Variants in HCN4 observed in about 807,000 individuals in gnomAD.
HCN4 encodes potassium/sodium hyperpolarization-activated cyclic nucleotide-gated channel 4.
HCN4 carries 29 observed loss-of-function variants against 76.9 expected under a neutral mutation model. The observed-to-expected ratio is 0.38, with a 90% confidence interval of 0.28 to 0.51. The LOEUF (loss-of-function observed/expected upper bound fraction) is 0.51, where lower values mean the gene tolerates loss of function less well. Ranked by LOEUF, HCN4 falls within the 20% of genes least tolerant of loss-of-function variation. The probability of loss-of-function intolerance (pLI) is 0.90; values close to 1 mark genes in which losing one functional copy is unlikely to be tolerated. For synonymous variants in HCN4, 772 were observed against 762.5 expected, an observed-to-expected ratio of 1.01 and a Z score of -0.21; for missense variants, 1,416 against 1,715.2, an observed-to-expected ratio of 0.83 and a Z score of 3.08.
In HCN4 at chr15:73,343,634, C is replaced by T. The variant is rs1463560419; in HGVS notation, c.960G>A (p.Val320=). The T allele has an allele frequency of 1.2e-6, 2 of 1,614,162 alleles. No individual in the cohort carries two copies. Among genetic ancestry groups the T allele is most frequent in the Non-Finnish European group, 1.7e-6 (2 of 1,180,030 alleles). Residue 320 remains valine (V), a synonymous_variant, in exon 2 of 8, where the codon GTG becomes GTA. Coordinates refer to ENST00000261917, the MANE Select transcript of HCN4 (RefSeq NM_005477.3). This position sits in a 1 kb window ranked among gnomAD's most constrained non-coding sequence, Gnocchi z 5.7. ...CCAGGATGATCTCTGTGTTGTCCTC[C>T]ACCACGATCCCTGTGCGGAAGTTGA... ...LVLNFRTGIV[V]EDNTEIILDP...
intron 2 of HCN4, among the ~76,000 whole-genome samples, chr15:73,336,208 TCTC>T (rs1027256659): frequency 1.3e-5 from 2 of 152,012 alleles, no homozygotes; most frequent in African/African-American, 4.8e-5. Context: ...AGCATGCCGT[TCTC>T]CTCCCACCCC....
chr15:73,336,766 C>T (rs1297042858), intron 2 of HCN4, among the ~76,000 whole-genome samples: 1 of 152,138 alleles, frequency 6.6e-6, no homozygotes, highest in African/African-American at 2.4e-5. Context: ...ATGACAGCCC[C>T]AACCTCTTGA....
In HCN4 at chr15:73,323,156, G is replaced by T. The variant is rs371549467; in HGVS notation, c.2937C>A (p.Pro979=). The change falls in exon 8 of 8, where the codon CCC becomes CCA. Residue 979 remains proline, a synonymous_variant. Coordinates refer to ENST00000261917, the MANE Select transcript of HCN4 (RefSeq NM_005477.3). ...SSSPGQLGQP[P]GELSLGLATG... is the part of the protein sequence containing the mutation. ...TGGCCAGACCTAGGGACAACTCCCC[G>T]GGAGGCTGGCCCAGCTGCCCGGGGC... The T allele has an allele frequency of 3.2e-6, 5 of 1,574,944 alleles. No homozygotes were observed. Among genetic ancestry groups the T allele is most frequent in the Non-Finnish European group, 3.4e-6 (4 of 1,161,660 alleles).
intron 1 of HCN4, among the ~76,000 whole-genome samples, chr15:73,360,471 G>A (rs1387417516): frequency 6.6e-6 from 1 of 152,222 alleles, no homozygotes; most frequent in Non-Finnish European, 1.5e-5. Flanking sequence ...TGTGCCTGCT[G>A]ACTATCCCTT....
Position 73,368,075 on chromosome 15 carries a change from C to G in HCN4, c.196G>C (p.Glu66Gln), listed in dbSNP as rs786205803. ...PSPSAAAGGT[E>Q]SRSSALGAAD... The stretch of plus-strand genomic sequence containing the variant: ...GCCCCGAGGGCCGAGCTCCGGGACT[C>G]CGTGCCACCCGCGGCCGCCGAGGGG... Residue 66 changes from glutamate (E) to glutamine (Q), a missense_variant, in exon 1 of 8, where the codon GAG becomes CAG. Glu to Gln is a conservative substitution (Grantham distance 29). Around this residue, in one of 6 missense-constraint regions of HCN4, gnomAD observed 355 missense variants for 347.8 expected, o/e 1.02. Coordinates refer to ENST00000261917, the MANE Select transcript of HCN4 (RefSeq NM_005477.3). The surrounding 1 kb of genome is among the most constrained non-coding windows in gnomAD (Gnocchi z 6.9). 2 of 1,487,394 alleles carry G rather than the reference C, an allele frequency of 1.3e-6. No homozygotes were observed. The highest frequency in any genetic ancestry group is 2.8e-5 in the East Asian group (1 of 35,164). The allele number at this position is 1,487,394 out of a possible 1,614,324, so 92.1% of individuals were successfully genotyped here. A position where few individuals can be genotyped will look rare whatever the true frequency, so the allele number is the denominator to read the frequency against.
Position 73,343,247 on chromosome 15 carries a change from T to C in HCN4, c.1209+138A>G. The C allele has an allele frequency of 1.3e-6, 1 of 769,866 alleles. No individual in the cohort carries two copies. The highest frequency in any genetic ancestry group is 2.2e-5 in the Admixed American group (1 of 46,084). The allele number at this position is 769,866 out of a possible 1,614,324, so 47.7% of individuals were successfully genotyped here. A position where few individuals can be genotyped will look rare whatever the true frequency, so the allele number is the denominator to read the frequency against. On this transcript the variant is annotated intron_variant, in intron 2 of 7. Coordinates refer to ENST00000261917, the MANE Select transcript of HCN4 (RefSeq NM_005477.3). This position sits in a 1 kb window ranked among gnomAD's most constrained non-coding sequence, Gnocchi z 5.7. Reference sequence around the variant, plus strand: ...ACATGATAAGAGGTCAAGAACTTACTAGTATTTGTCCTCTTGGAGCAGGTG... The same window carrying C: ...ACATGATAAGAGGTCAAGAACTTACCAGTATTTGTCCTCTTGGAGCAGGTG...
chr15:73,328,358 A>G lies in HCN4; in HGVS notation c.1590+1215T>C, dbSNP rs2042912995. ...GCAAGGCCCAGGGCAGGAGCTGAGC[A>G]TGAGGGCAGATCCCTGGTTATGCTC... On this transcript the variant is annotated intron_variant, in intron 4 of 7. Transcript: ENST00000261917. This position sits in a 1 kb window ranked among gnomAD's most constrained non-coding sequence, Gnocchi z 4.0. 6.6e-6 allele frequency among the ~76,000 whole-genome samples: 1 copy of G among 152,040 alleles called. No homozygotes were observed. Among genetic ancestry groups the G allele is most frequent in the South Asian group, 2.1e-4 (1 of 4,824 alleles).
rs1281853703 is a variant in HCN4 at position 73,323,611 on chromosome 15, G to A, written c.2482C>T (p.Arg828Trp). Reference sequence around the variant, plus strand: ...GCAGAAGGGATCAGGGACTGCAGCCGTTTCAGGTGCCTTGGCGTCTGCCCG... The same window carrying A: ...GCAGAAGGGATCAGGGACTGCAGCCATTTCAGGTGCCTTGGCGTCTGCCCG... ...GAGQTPRHLK[R>W]LQSLIPSALG... is the part of the protein sequence containing the mutation. Residue 828 changes from arginine (R) to tryptophan (W), a missense_variant, in exon 8 of 8, where the codon CGG (arginine) becomes TGG (tryptophan). This residue lies in a region of HCN4 where 633 missense variants were observed against 579.8 expected (regional missense o/e 1.09). Coordinates refer to ENST00000261917, the MANE Select transcript of HCN4 (RefSeq NM_005477.3). 9 of 1,600,912 alleles carry A rather than the reference G, an allele frequency of 5.6e-6. No individual in the cohort carries two copies. The highest frequency in any genetic ancestry group is 1.7e-4 in the Middle Eastern group (1 of 6,050).
At chr15:73,359,166 G>A (rs945026047) in intron 1 of HCN4, among the ~76,000 whole-genome samples, 1 of 152,202 alleles carries the variant, frequency 6.6e-6, no homozygotes, top group Non-Finnish European at 1.5e-5. Flanking sequence ...GATCAGACCT[G>A]GAGGCCCCGC....
At chr15:73,346,315 A>G (rs2043029453) in intron 1 of HCN4, among the ~76,000 whole-genome samples, 1 of 152,230 alleles carries the variant, frequency 6.6e-6, no homozygotes, top group African/African-American at 2.4e-5. Context: ...CTCAATGAGG[A>G]TAACCACAGT....
chr15:73,368,195 T>G lies in HCN4; in HGVS notation c.76A>C (p.Met26Leu). 4 of 1,534,076 alleles carry G rather than the reference T, an allele frequency of 2.6e-6. No individual in the cohort carries two copies. The highest frequency in any genetic ancestry group is 3.5e-6 in the Non-Finnish European group (4 of 1,141,820). The part of the protein sequence containing the change: ...PQQVGAKAWI[M>L]DEEEDAEEEG... ...TCCTCGGCGTCCTCTTCCTCGTCCATGATCCACGCCTTGGCCCCCACCTGC... is the reference window on the plus strand; with the variant it reads ...TCCTCGGCGTCCTCTTCCTCGTCCAGGATCCACGCCTTGGCCCCCACCTGC... Residue 26 changes from methionine to leucine, a missense_variant, in exon 1 of 8, where the codon ATG becomes CTG. Coordinates refer to ENST00000261917, the MANE Select transcript of HCN4 (RefSeq NM_005477.3). This position sits in a 1 kb window ranked among gnomAD's most constrained non-coding sequence, Gnocchi z 6.9.
intron 4 of HCN4, among the ~76,000 whole-genome samples, chr15:73,326,402 C>T (rs549993371): frequency 6.6e-6 from 1 of 152,296 alleles, no homozygotes; most frequent in Admixed American, 6.5e-5. Context: ...TTCCAGCCAC[C>T]CTGGCCTCTG....
At position 73,368,046 on chromosome 15, in the gene HCN4, C is replaced by T. The variant is rs1331070073; in HGVS notation, c.225G>A (p.Ala75=). Residue 75 remains alanine, a synonymous_variant, in exon 1 of 8, where the codon GCG becomes GCA. Transcript: ENST00000261917. The surrounding 1 kb of genome is among the most constrained non-coding windows in gnomAD (Gnocchi z 6.9). ...CGCCGCGGGCCGGCCCTTCGCTGTCCGCTGCCCCGAGGGCCGAGCTCCGGG... is the reference window on the plus strand; with the variant it reads ...CGCCGCGGGCCGGCCCTTCGCTGTCTGCTGCCCCGAGGGCCGAGCTCCGGG... ...TESRSSALGA[A]DSEGPARGAG... 3.4e-6 allele frequency: 5 copies of T among 1,470,130 alleles called. No homozygotes were observed. In the African/African-American group the frequency reaches 7.4e-5, roughly 22 times the overall value. The allele number at this position is 1,470,130 out of a possible 1,614,324, so 91.1% of individuals were successfully genotyped here.
At chr15:73,352,430 C>T (rs2043058952) in intron 1 of HCN4, among the ~76,000 whole-genome samples, 1 of 152,106 alleles carries the variant, frequency 6.6e-6, no homozygotes, top group Non-Finnish European at 1.5e-5. Flanking sequence ...GGTGGTCCCA[C>T]CCAGTGCTGA....
chr15:73,366,414 G>C lies in HCN4; in HGVS notation c.785+1072C>G, dbSNP rs75743381. Among the ~76,000 whole-genome samples the C allele has an allele frequency of 1.1e-4, 16 of 152,286 alleles. No individual in the cohort carries two copies. The East Asian group carries it at 3.1e-3, about 29-fold the overall frequency. On this transcript the variant is annotated intron_variant, in intron 1 of 7. Coordinates refer to ENST00000261917, the MANE Select transcript of HCN4 (RefSeq NM_005477.3). The stretch of plus-strand genomic sequence containing the variant: ...GGAGATAAGTAGGCGGCAGGGCCCA[G>C]AGAAAGAGAGAATGAGAGAATTAAA...
Position 73,343,260 on chromosome 15 carries a change from C to T in HCN4, c.1209+125G>A, listed in dbSNP as rs1239137560. ...TCAAGAACTTACTAGTATTTGTCCT[C>T]TTGGAGCAGGTGTGCCTGCCACAAT... On this transcript the variant is annotated intron_variant, in intron 2 of 7. Transcript: ENST00000261917. This position sits in a 1 kb window ranked among gnomAD's most constrained non-coding sequence, Gnocchi z 5.7. The T allele has an allele frequency of 2.3e-6, 2 of 886,814 alleles. No homozygotes were observed. Among genetic ancestry groups the T allele is most frequent in the African/African-American group, 3.3e-5 (2 of 60,274 alleles). The allele number at this position is 886,814 out of a possible 1,614,324, so 54.9% of individuals were successfully genotyped here.
At chr15:73,339,176 T>C (rs1484171923) in intron 2 of HCN4, among the ~76,000 whole-genome samples, 3 of 152,176 alleles carry the variant, frequency 2.0e-5, no homozygotes, top group Non-Finnish European at 4.4e-5. Context: ...ATAGCCTCCA[T>C]GCCTGGAACA....
intron 3 of HCN4, among the ~76,000 whole-genome samples, chr15:73,330,558 T>A (rs2042926939): frequency 1.3e-5 from 2 of 152,224 alleles, no homozygotes. Context: ...GAGAGGACAC[T>A]GCCCCAGATG....
intron 3 of HCN4, among the ~76,000 whole-genome samples, chr15:73,330,065 G>A (rs895041921): frequency 2.0e-5 from 3 of 152,190 alleles, no homozygotes; most frequent in Non-Finnish European, 4.4e-5. Context: ...GCCCCCATGG[G>A]GCAGCTTGGA....
Sources: gnomAD v4.1 joint callset for allele counts (sites outside exome capture counted in the v4.1 genomes callset) on GRCh38, gnomAD v4.1.1 for gene constraint, gnomAD v4.1.1 regional missense constraint, Gnocchi (gnomAD v3.1) non-coding constraint, MANE v1.5 for transcripts, NCBI Gene and HGNC (gene_info 2026-07-23, HGNC 2026-07-21) for gene names.